CNTNAP2: variants seen among roughly 807,000 people sequenced by gnomAD.
The protein encoded by CNTNAP2 is contactin associated protein 2, also known as contactin-associated protein-like 2.
In CNTNAP2, 98 loss-of-function variants were observed where a neutral mutation model predicts 155.2. That is an observed-to-expected ratio of 0.63 (90% CI 0.54 to 0.75). The LOEUF (loss-of-function observed/expected upper bound fraction) is 0.75. CNTNAP2 is among the 30% of genes least tolerant of loss of function. The pLI, the probability that CNTNAP2 is intolerant of heterozygous loss-of-function variation, is 0.00. For missense variants in CNTNAP2, 1,727 were observed against 1,688.1 expected, an observed-to-expected ratio of 1.02 and a Z score of -0.40; for synonymous variants, 651 against 631.2, an observed-to-expected ratio of 1.03 and a Z score of -0.47.
intron 14 of CNTNAP2, among the ~76,000 whole-genome samples, chr7:147,930,021 C>T (rs903392957): frequency 6.6e-6 from 1 of 152,108 alleles, no homozygotes; most frequent in African/African-American, 2.4e-5. Flanking sequence ...GCTCACTCGC[C>T]CGCCTCACCT....
At chr7:147,699,702 A>G (rs1013330355) in intron 13 of CNTNAP2, among the ~76,000 whole-genome samples, 1 of 152,164 alleles carries the variant, frequency 6.6e-6, no homozygotes, top group African/African-American at 2.4e-5. Context: ...CACAAAATAT[A>G]ACATTAACCA....
intron 1 of CNTNAP2, among the ~76,000 whole-genome samples, chr7:146,611,333 T>C (rs576659156): frequency 6.6e-6 from 1 of 152,310 alleles, no homozygotes; most frequent in Admixed American, 6.5e-5. Flanking sequence ...TCAAGGAATC[T>C]TCCCCCTTCA....
At chr7:146,562,877 G>A (rs1193623497) in intron 1 of CNTNAP2, among the ~76,000 whole-genome samples, 3 of 152,028 alleles carry the variant, frequency 2.0e-5, no homozygotes, top group African/African-American at 7.2e-5. Flanking sequence ...GCCTGCTATT[G>A]TATTTATTAT....
At chr7:148,058,629 T>C (rs545839139) in intron 15 of CNTNAP2, among the ~76,000 whole-genome samples, 1 of 152,136 alleles carries the variant, frequency 6.6e-6, no homozygotes. Context: ...GGTCATTTCC[T>C]TGCAAGGCGT....
In CNTNAP2 at chr7:148,309,677, C is replaced by A. The variant is rs181061265; in HGVS notation, c.3475+42551C>A. 6.8e-3 allele frequency among the ~76,000 whole-genome samples: 1,025 copies of A among 151,284 alleles called. 4 individuals are homozygous for A. Among genetic ancestry groups the A allele is most frequent in the Non-Finnish European group, 9.9e-3 (674 of 67,980 alleles). On this transcript the variant is annotated intron_variant, in intron 21 of 23. Coordinates refer to ENST00000361727, the MANE Select transcript of CNTNAP2 (RefSeq NM_014141.6). ...ATGAGCCAGGAGAAGGAATTTCACA[C>A]GATAATGTCATCAGTTAAGGCATGA...
intron 16 of CNTNAP2, among the ~76,000 whole-genome samples, chr7:148,136,257 A>G (rs1386871848): frequency 6.6e-6 from 1 of 152,070 alleles, no homozygotes; most frequent in Middle Eastern, 3.2e-3. Context: ...TTCATGTTGA[A>G]GTGTGACTCC....
At chr7:147,037,442 GT>G (rs1221060531) in intron 3 of CNTNAP2, among the ~76,000 whole-genome samples, 12,349 of 119,308 alleles carry the variant, frequency 0.1, 453 homozygotes, top group Middle Eastern at 0.14. Context: ...ATCCAGTTTT[GT>G]TTTTTTTTTC....
At chr7:146,124,351 A>T (rs974223987) in intron 1 of CNTNAP2, among the ~76,000 whole-genome samples, 2 of 152,110 alleles carry the variant, frequency 1.3e-5, no homozygotes, top group African/African-American at 4.8e-5. Flanking sequence ...CTGTTAACTG[A>T]TTTTTTCTAA....
intron 13 of CNTNAP2, among the ~76,000 whole-genome samples, chr7:147,857,833 C>T (rs1799065400): frequency 6.6e-6 from 1 of 152,200 alleles, no homozygotes; most frequent in African/African-American, 2.4e-5. Flanking sequence ...ATACAAATTA[C>T]ATTCAAGCAA....
intron 1 of CNTNAP2, among the ~76,000 whole-genome samples, chr7:146,307,362 C>T (rs1174717598): frequency 6.6e-6 from 1 of 152,168 alleles, no homozygotes; most frequent in Non-Finnish European, 1.5e-5. Context: ...ATTCCATGCT[C>T]ATGGATAGGA....
At chr7:146,150,845 T>C (rs1798026162) in intron 1 of CNTNAP2, among the ~76,000 whole-genome samples, 2 of 152,116 alleles carry the variant, frequency 1.3e-5, no homozygotes, top group Admixed American at 6.6e-5. Flanking sequence ...GTAATGAGAA[T>C]ATTTAAGATT....
intron 1 of CNTNAP2, among the ~76,000 whole-genome samples, chr7:146,224,320 G>A (rs1415135888): frequency 6.6e-6 from 1 of 151,778 alleles, no homozygotes; most frequent in African/African-American, 2.4e-5. Flanking sequence ...CTTATAAGAT[G>A]TTATAATTGA....
At chr7:148,270,706 T>C (rs2116845690) in intron 21 of CNTNAP2, among the ~76,000 whole-genome samples, 1 of 152,372 alleles carries the variant, frequency 6.6e-6, no homozygotes, top group Middle Eastern at 3.4e-3. Flanking sequence ...AGGTGAGAGC[T>C]GCAATCCTCA....
chr7:148,154,734 C>T (rs1563216967), intron 17 of CNTNAP2, among the ~76,000 whole-genome samples: 1 of 152,116 alleles, frequency 6.6e-6, no homozygotes, highest in Non-Finnish European at 1.5e-5. Flanking sequence ...GTCAGGAGTT[C>T]GAGACCAGTC....
At chr7:146,452,542 G>A (rs1002692022) in intron 1 of CNTNAP2, among the ~76,000 whole-genome samples, 1 of 152,088 alleles carries the variant, frequency 6.6e-6, no homozygotes, top group African/African-American at 2.4e-5. Flanking sequence ...TTATATTTTT[G>A]TCTAATTCTC....
chr7:147,417,885 C>T (rs763987998), intron 10 of CNTNAP2, among the ~76,000 whole-genome samples: 18 of 152,096 alleles, frequency 1.2e-4, no homozygotes, highest in Non-Finnish European at 2.1e-4. Context: ...TTTAAGAGTT[C>T]CATTTAAAGT....
At chr7:146,627,376 AT>A (rs1435728612) in intron 1 of CNTNAP2, among the ~76,000 whole-genome samples, 1 of 152,168 alleles carries the variant, frequency 6.6e-6, no homozygotes, top group Non-Finnish European at 1.5e-5. Flanking sequence ...GAAAATACGT[AT>A]TACTTCATGT....
intron 20 of CNTNAP2, among the ~76,000 whole-genome samples, chr7:148,259,994 C>A (rs1242877468): frequency 6.6e-6 from 1 of 152,126 alleles, no homozygotes; most frequent in Non-Finnish European, 1.5e-5. Context: ...AAATGTACAG[C>A]AAAATACATT....
At chr7:146,942,800 T>C (rs753375112) in intron 3 of CNTNAP2, among the ~76,000 whole-genome samples, 2 of 152,228 alleles carry the variant, frequency 1.3e-5, no homozygotes, top group African/African-American at 2.4e-5. Flanking sequence ...TTAATTGTTA[T>C]AATCTTTCCA....
Sources: gnomAD v4.1 joint callset for allele counts (sites outside exome capture counted in the v4.1 genomes callset) on GRCh38, gnomAD v4.1.1 for gene constraint, MANE v1.5 for transcripts, NCBI Gene and HGNC (gene_info 2026-07-23, HGNC 2026-07-21) for gene names.